The following KCNH5 variants were observed in gnomAD, a reference collection of about 807,000 sequenced individuals.
KCNH5 encodes the protein voltage-gated delayed rectifier potassium channel KCNH5.
Under a neutral mutation model 96.1 loss-of-function variants are expected in KCNH5, and 46 were observed. That is an observed-to-expected ratio of 0.48 (90% CI 0.38 to 0.61). KCNH5 has a LOEUF of 0.61. Ranked by LOEUF, KCNH5 falls within the 20% of genes least tolerant of loss-of-function variation. The probability of loss-of-function intolerance (pLI) is 0.00; values close to 1 mark genes in which losing one functional copy is unlikely to be tolerated. For synonymous variants in KCNH5, 439 were observed against 449.8 expected (o/e 0.98, Z 0.30); for missense variants, 907 against 1,225.8 (o/e 0.74, Z 3.88).
intron 9 of KCNH5, among the ~76,000 whole-genome samples, chr14:62,793,022 T>C (rs144133225): frequency 6.6e-6 from 1 of 151,776 alleles, no homozygotes; most frequent in Non-Finnish European, 1.5e-5. Flanking sequence ...GAGAGCACTA[T>C]GCCAAACAAA....
chr14:62,779,021 ATT>A (rs1360882619), intron 10 of KCNH5, among the ~76,000 whole-genome samples: 1 of 152,250 alleles, frequency 6.6e-6, no homozygotes, highest in Non-Finnish European at 1.5e-5. Flanking sequence ...ACAGGCGATC[ATT>A]TTAGATAAAA....
chr14:62,903,412 TC>T (rs1263672289), intron 7 of KCNH5, among the ~76,000 whole-genome samples: 1 of 152,158 alleles, frequency 6.6e-6, no homozygotes, highest in Non-Finnish European at 1.5e-5. Flanking sequence ...ACAGCGACTG[TC>T]CATTTTGAAG....
At chr14:62,810,848 C>A (rs1886859033) in intron 8 of KCNH5, among the ~76,000 whole-genome samples, 1 of 152,044 alleles carries the variant, frequency 6.6e-6, no homozygotes, top group Non-Finnish European at 1.5e-5. Context: ...TAATAAGTCA[C>A]AGTTTGTAAT....
Position 62,755,932 on chromosome 14 carries a change from A to C in KCNH5, c.2019+23796T>G, listed in dbSNP as rs185133025. Among the ~76,000 whole-genome samples, 55 of 152,290 alleles carry C rather than the reference A, an allele frequency of 3.6e-4. 1 individual carries two copies. In the East Asian group the frequency reaches 6.9e-3, roughly 19 times the overall value. ...ATCCCTTCATGACAACAACCCTCAA[A>C]AAATTGGGCATAGAAGGAATACATG... On this transcript the variant is annotated intron_variant, in intron 10 of 10. Transcript: ENST00000322893.
chr14:62,732,001 T>G (rs1393473225), intron 10 of KCNH5, among the ~76,000 whole-genome samples: 1 of 152,202 alleles, frequency 6.6e-6, no homozygotes, highest in Non-Finnish European at 1.5e-5. Flanking sequence ...TCAATAGGGC[T>G]TCCCATAAAA....
At chr14:63,010,913 C>A (rs116802156) in intron 2 of KCNH5, among the ~76,000 whole-genome samples, 2 of 152,148 alleles carry the variant, frequency 1.3e-5, no homozygotes, top group African/African-American at 2.4e-5. Flanking sequence ...AAATGTGCAA[C>A]GGTGTGTCTA....
At chr14:62,731,385 A>G (rs1885047455) in intron 10 of KCNH5, among the ~76,000 whole-genome samples, 1 of 152,044 alleles carries the variant, frequency 6.6e-6, no homozygotes, top group Non-Finnish European at 1.5e-5. Flanking sequence ...TTGATGGGGA[A>G]GAAATGAAGG....
intron 2 of KCNH5, among the ~76,000 whole-genome samples, chr14:63,012,740 A>G (rs1428556237): frequency 1.3e-5 from 2 of 152,012 alleles, no homozygotes; most frequent in African/African-American, 2.4e-5. Context: ...TGATGAATAG[A>G]TCATCATACG....
chr14:62,960,052 G>A (rs1272916), intron 6 of KCNH5, among the ~76,000 whole-genome samples: 37,983 of 152,012 alleles, frequency 0.25, 4,980 homozygotes, highest in Non-Finnish European at 0.29. Flanking sequence ...CTCTAGCTCC[G>A]TTCTCTTCTG....
At chr14:63,034,485 A>G (rs2139627591) in intron 1 of KCNH5, among the ~76,000 whole-genome samples, 1 of 152,306 alleles carries the variant, frequency 6.6e-6, no homozygotes, top group South Asian at 2.1e-4. Context: ...CCTGTATCCT[A>G]CAACAATCCT....
intron 4 of KCNH5, among the ~76,000 whole-genome samples, chr14:62,995,721 C>T (rs1184223313): frequency 6.6e-6 from 1 of 152,076 alleles, no homozygotes; most frequent in African/African-American, 2.4e-5. Context: ...ACACCCTTCA[C>T]CATCTTTACT....
In KCNH5 at chr14:62,799,320, T is replaced by TG. The variant is rs1886600748; in HGVS notation, c.1822+3008_1822+3009insC. 2.0e-5 allele frequency among the ~76,000 whole-genome samples: 3 copies of TG among 152,120 alleles called. No individual in the cohort carries two copies. The South Asian group carries it at 6.2e-4, about 32-fold the overall frequency. On this transcript the variant is annotated intron_variant, in intron 9 of 10. Coordinates refer to ENST00000322893, the MANE Select transcript of KCNH5 (RefSeq NM_139318.5). The stretch of plus-strand genomic sequence containing the variant: ...AGTTGGGCGCGGTGGCTGACACCTG[T>TG]AATCCCAGCACTTTGGGAGGCCGAG...
At chr14:62,926,042 C>T (rs1407629565) in intron 7 of KCNH5, among the ~76,000 whole-genome samples, 1 of 152,024 alleles carries the variant, frequency 6.6e-6, no homozygotes, top group Non-Finnish European at 1.5e-5. Context: ...TGTACGAATG[C>T]TTCATATATG....
intron 8 of KCNH5, among the ~76,000 whole-genome samples, chr14:62,831,927 G>A (rs1595644534): frequency 6.6e-6 from 1 of 151,854 alleles, no homozygotes; most frequent in African/African-American, 2.4e-5. Context: ...TACCCAGGGT[G>A]GTCTTAAACT....
chr14:62,787,410 T>C (rs1035417091), intron 9 of KCNH5, among the ~76,000 whole-genome samples: 4 of 152,282 alleles, frequency 2.6e-5, no homozygotes, highest in Admixed American at 2.6e-4. Flanking sequence ...GATTGGTTTA[T>C]AAAGTTTAGG....
intron 7 of KCNH5, among the ~76,000 whole-genome samples, chr14:62,876,249 T>C (rs1160664738): frequency 6.6e-6 from 1 of 152,204 alleles, no homozygotes; most frequent in East Asian, 1.9e-4. Context: ...TAATAGTTGA[T>C]AACATATTTA....
rs577533645 is a variant in KCNH5 at position 62,827,551 on chromosome 14, A to G, written c.1569+22102T>C. ...TAAAGGACAGCTTGCTGAAATATAA[A>G]ATTCTTAACTCACACATTTTTCTTG... On this transcript the variant is annotated intron_variant, in intron 8 of 10. Coordinates refer to ENST00000322893, the MANE Select transcript of KCNH5 (RefSeq NM_139318.5). Among the ~76,000 whole-genome samples the G allele has an allele frequency of 2.0e-5, 3 of 152,256 alleles. No individual in the cohort carries two copies. In the South Asian group the frequency reaches 6.2e-4, roughly 32 times the overall value.
intron 7 of KCNH5, among the ~76,000 whole-genome samples, chr14:62,920,364 T>TA (rs1434239452): frequency 6.6e-6 from 1 of 151,858 alleles, no homozygotes; most frequent in Non-Finnish European, 1.5e-5. Context: ...CTGAGAACAA[T>TA]AAAAAAATGG....
intron 10 of KCNH5, among the ~76,000 whole-genome samples, chr14:62,762,522 C>T (rs112992013): frequency 0.021 from 3,137 of 152,294 alleles, 49 homozygotes; most frequent in Non-Finnish European, 0.029. Flanking sequence ...AACGTCACCC[C>T]ACCACTTTGT....
Sources: allele counts gnomAD v4.1 joint callset (sites outside exome capture counted in the v4.1 genomes callset), GRCh38; gene constraint gnomAD v4.1.1; transcripts MANE v1.5; gene names NCBI Gene and HGNC (gene_info 2026-07-23, HGNC 2026-07-21).